SSTR3: variants seen among roughly 807,000 people sequenced by gnomAD.
The protein encoded by SSTR3 is somatostatin receptor type 3.
For missense variants in SSTR3, 504 were observed against 604.7 expected (o/e 0.83, Z 1.75); for synonymous variants, 281 against 269.2 (o/e 1.04, Z -0.43).
intron 1 of SSTR3, among the ~76,000 whole-genome samples, chr22:37,210,176 G>C (rs1162558202): frequency 3.9e-5 from 6 of 152,198 alleles, no homozygotes; most frequent in Admixed American, 3.9e-4. Context: ...ATGAGGGAGG[G>C]GAGCACCAGG....
upstream of SSTR3, among the ~76,000 whole-genome samples, chr22:37,213,976 G>A (rs558346349): frequency 1.4e-4 from 22 of 152,278 alleles, no homozygotes; most frequent in Admixed American, 1.0e-3. Context: ...TACCCCTGCC[G>A]TGCACTGAAC....
At chr22:37,210,510 G>A in intron 1 of SSTR3, 11 of 984,756 alleles carry the variant, frequency 1.1e-5, no homozygotes, top group Non-Finnish European at 1.3e-5. Context: ...AGCAGAAGCA[G>A]GGAAATTACA....
rs1317080242 is a variant in SSTR3 at position 37,205,427 on chromosome 22, T to A, written c.*1120A>T. 1 of 153,530 alleles carries A rather than the reference T, an allele frequency of 6.5e-6. No homozygotes were observed. The highest frequency in any genetic ancestry group is 2.4e-5 in the African/African-American group (1 of 41,426). The allele number at this position is 153,530 out of a possible 1,614,324, so 9.5% of individuals were successfully genotyped here. On this transcript the variant is annotated 3_prime_UTR_variant, in exon 2 of 2. Coordinates refer to ENST00000610913, the MANE Select transcript of SSTR3 (RefSeq NM_001051.5). ...GATCTGTACTTCTCCTTCCCCCTCC[T>A]CATCCTCCCCTTTCCCCCTTGTCTT...
rs1262390020 is a variant in SSTR3 at position 37,207,170 on chromosome 22, C to T, written c.634G>A (p.Ala212Thr). 7.4e-6 allele frequency: 12 copies of T among 1,612,250 alleles called. No homozygotes were observed. Among genetic ancestry groups the T allele is most frequent in the Middle Eastern group, 1.6e-4 (1 of 6,078 alleles). ...AGCAGCGGCCCGAAGAAGCCCAGTG[C>T]GGCCGTGTAGATGATGAAGCCGGCT... ...WRAGFIIYTA[A>T]LGFFGPLLVI... The change falls in exon 2 of 2, where the codon GCA becomes ACA. Residue 212 changes from alanine to threonine, a missense_variant. Transcript: ENST00000610913.
At chr22:37,218,773 G>A in the SSTR3 span, among the ~76,000 whole-genome samples, 8 of 151,962 alleles carry the variant, frequency 5.3e-5, no homozygotes, top group Non-Finnish European at 8.8e-5. Context: ...GGGAGGGGTG[G>A]GTGCCTGACC....
chr22:37,211,000 G>C, intron 1 of SSTR3: 1 of 984,654 alleles, frequency 1.0e-6, no homozygotes, highest in Non-Finnish European at 1.2e-6. Flanking sequence ...AAGAGGGAGA[G>C]TTTTTAGAGA....
Position 37,206,469 on chromosome 22 carries a change from G to A in SSTR3, c.*78C>T, listed in dbSNP as rs551060605. On this transcript the variant is annotated 3_prime_UTR_variant, in exon 2 of 2. Transcript: ENST00000610913. ...CCTCAACATCCCATCATGGGCCTGT[G>A]GCACCTTGGGAAGTAGGCCCTAGGC... is the stretch of plus-strand genomic sequence containing the variant. 2.0e-6 allele frequency: 3 copies of A among 1,508,002 alleles called. No homozygotes were observed. In the East Asian group the frequency reaches 6.8e-5, roughly 34 times the overall value. The allele number at this position is 1,508,002 out of a possible 1,614,324, so 93.4% of individuals were successfully genotyped here. A position where few individuals can be genotyped will look rare whatever the true frequency, so the allele number is the denominator to read the frequency against.
In SSTR3 at chr22:37,206,239, G is replaced by C. The variant is rs1390988374; in HGVS notation, c.*308C>G. On this transcript the variant is annotated 3_prime_UTR_variant, in exon 2 of 2. Transcript: ENST00000610913. ...CCCCAAGACACTCCATCCCTGGGGGGAGGCCAGTCTGCACCCACCTTTTGC... is the reference window on the plus strand; with the variant it reads ...CCCCAAGACACTCCATCCCTGGGGGCAGGCCAGTCTGCACCCACCTTTTGC... 3 of 328,180 alleles carry C rather than the reference G, an allele frequency of 9.1e-6. No homozygotes were observed. Among genetic ancestry groups the C allele is most frequent in the African/African-American group, 6.4e-5 (3 of 46,534 alleles). 20.3% of individuals were successfully genotyped at this position (328,180 alleles called of 1,614,324 possible).
chr22:37,206,736 C>A lies in SSTR3; in HGVS notation c.1068G>T (p.Glu356Asp). ...CCCCCTCCCTGCTCTCCTCCCCATC[C>A]TCCTCCTCCTCATCCTCCTCCTCAG... ...EKTEEEDEEE[E>D]DGEESREGGK... Residue 356 changes from glutamate to aspartate, a missense_variant, in exon 2 of 2, where the codon GAG becomes GAT. Coordinates refer to ENST00000610913, the MANE Select transcript of SSTR3 (RefSeq NM_001051.5). 2 of 1,607,806 alleles carry A rather than the reference C, an allele frequency of 1.2e-6. No individual in the cohort carries two copies. The highest frequency in any genetic ancestry group is 1.1e-5 in the South Asian group (1 of 90,992).
chr22:37,214,165 C>T (rs1037064256), upstream of SSTR3, among the ~76,000 whole-genome samples: 3 of 152,176 alleles, frequency 2.0e-5, no homozygotes, highest in Admixed American at 6.5e-5. Flanking sequence ...CACAGGCTCC[C>T]GTCTGAGCCA....
Position 37,206,562 on chromosome 22 carries a change from G to A in SSTR3, c.1242C>T (p.Arg414=), listed in dbSNP as rs1295214956. The part of the protein sequence containing the change: ...ASTGEKSSTM[R]ISYL ...CCCCAGGCCCCTACAGGTAGCTGAT[G>A]CGCATCGTGCTGGACTTCTCCCCAG... The change falls in exon 2 of 2, where the codon CGC becomes CGT. Residue 414 remains arginine (R), a synonymous_variant. Coordinates refer to ENST00000610913, the MANE Select transcript of SSTR3 (RefSeq NM_001051.5). 1 of 1,606,710 alleles carries A rather than the reference G, an allele frequency of 6.2e-7. No homozygotes were observed. Among genetic ancestry groups the A allele is most frequent in the Non-Finnish European group, 8.5e-7 (1 of 1,176,174 alleles).
At position 37,207,488 on chromosome 22, in the gene SSTR3, G is replaced by T. The variant is rs1054188776; in HGVS notation, c.316C>A (p.Leu106Met). 1 of 1,613,502 alleles carries T rather than the reference G, an allele frequency of 6.2e-7. No individual in the cohort carries two copies. Among genetic ancestry groups the T allele is most frequent in the East Asian group, 2.2e-5 (1 of 44,896 alleles). ...GLPFLAAQNALSYWPFGSLMC... is the reference protein window; with the variant it reads ...GLPFLAAQNAMSYWPFGSLMC... ...AGGGAGCCGAAGGGCCAGTAGGACA[G>T]GGCGTTCTGGGCGGCCAGGAAGGGC... The change falls in exon 2 of 2, where the codon CTG becomes ATG. Residue 106 changes from leucine to methionine, a missense_variant. Coordinates refer to ENST00000610913, the MANE Select transcript of SSTR3 (RefSeq NM_001051.5).
rs1346666683 is a variant in SSTR3 at position 37,206,753 on chromosome 22, CCTCCTCAGTCTT to C, written c.1039_1050del (p.Lys347_Glu350del). ...TCCCCATCCTCCTCCTCCTCATCCT[CCTCCTCAGTCTT>C]CTCCGGGGGCCCCACAGTGGGCTCC... On this transcript the variant is annotated inframe_deletion, in exon 2 of 2. Transcript: ENST00000610913. 2 of 1,610,022 alleles carry C rather than the reference CCTCCTCAGTCTT, an allele frequency of 1.2e-6. No homozygotes were observed. Among genetic ancestry groups the C allele is most frequent in the Non-Finnish European group, 8.5e-7 (1 of 1,179,818 alleles).
upstream of SSTR3, among the ~76,000 whole-genome samples, chr22:37,214,402 G>A (rs140826114): frequency 2.0e-4 from 30 of 152,336 alleles, no homozygotes; most frequent in African/African-American, 6.3e-4. Context: ...AAAGAAATCT[G>A]TATGAACAGA....
upstream of SSTR3, among the ~76,000 whole-genome samples, chr22:37,214,315 C>G (rs55999834): frequency 6.6e-6 from 1 of 152,212 alleles, no homozygotes; most frequent in Admixed American, 6.5e-5. Context: ...AAAGCAGGAG[C>G]TAAAACGCCT....
At chr22:37,216,293 T>C (rs1926442554), upstream of SSTR3, among the ~76,000 whole-genome samples, 1 of 151,398 alleles carries the variant, frequency 6.6e-6, no homozygotes, top group South Asian at 2.1e-4. Flanking sequence ...TATGTCTTAA[T>C]CCCTCAATTT....
chr22:37,208,199 G>A (rs1159242374), intron 1 of SSTR3, among the ~76,000 whole-genome samples: 13 of 152,152 alleles, frequency 8.5e-5, no homozygotes, highest in Admixed American at 8.5e-4. Context: ...TGTGAAGTGG[G>A]TTGCATTGCC....
In SSTR3 at chr22:37,206,233, T is replaced by TG. The variant is rs1395289126; in HGVS notation, c.*313dup. 1.3e-5 allele frequency: 4 copies of TG among 315,496 alleles called. No homozygotes were observed. The highest frequency in any genetic ancestry group is 2.3e-5 in the Non-Finnish European group (4 of 172,622). 19.5% of individuals were successfully genotyped at this position (315,496 alleles called of 1,614,324 possible). A position where few individuals can be genotyped will look rare whatever the true frequency, so the allele number is the denominator to read the frequency against. ...TTGATGCCCCAAGACACTCCATCCC[T>TG]GGGGGGAGGCCAGTCTGCACCCACC... On this transcript the variant is annotated 3_prime_UTR_variant, in exon 2 of 2. Coordinates refer to ENST00000610913, the MANE Select transcript of SSTR3 (RefSeq NM_001051.5).
In SSTR3 at chr22:37,211,824, C is replaced by A; in HGVS notation, c.-37+1G>T. Reference sequence around the variant, plus strand: ...CATCATCCGGGCCCCAGCCTCCTTACCTGCCCATGGGGTGAGGGCTTCCCT... The same window carrying A: ...CATCATCCGGGCCCCAGCCTCCTTAACTGCCCATGGGGTGAGGGCTTCCCT... On this transcript the variant is annotated splice_donor_variant, in intron 1 of 1. Coordinates refer to ENST00000610913, the MANE Select transcript of SSTR3 (RefSeq NM_001051.5). LOFTEE classifies it low-confidence loss of function (5UTR_SPLICE). The A allele has an allele frequency of 3.0e-6, 3 of 985,712 alleles. No homozygotes were observed. The highest frequency in any genetic ancestry group is 3.6e-6 in the Non-Finnish European group (3 of 830,124). The allele number at this position is 985,712 out of a possible 1,614,324, so 61.1% of individuals were successfully genotyped here. A position where few individuals can be genotyped will look rare whatever the true frequency, so the allele number is the denominator to read the frequency against.
Sources: allele counts gnomAD v4.1 joint callset (sites outside exome capture counted in the v4.1 genomes callset), GRCh38; gene constraint gnomAD v4.1.1; transcripts MANE v1.5; gene names NCBI Gene and HGNC (gene_info 2026-07-23, HGNC 2026-07-21).